DICER1: variants seen among roughly 807,000 people sequenced by gnomAD.
DICER1 encodes the protein dicer 1, ribonuclease III, also known as endoribonuclease Dicer.
A neutral mutation model predicts 194.1 loss-of-function variants in DICER1; 43 were observed. That is an observed-to-expected ratio of 0.22 (90% CI 0.17 to 0.29). The LOEUF (loss-of-function observed/expected upper bound fraction) is 0.29, where lower values mean the gene tolerates loss of function less well. Among genes scored for constraint, DICER1 ranks in the 10% least tolerant of loss-of-function variants. The probability of loss-of-function intolerance (pLI) is 1.00; values close to 1 mark genes in which losing one functional copy is unlikely to be tolerated. For synonymous variants in DICER1, 832 were observed against 820.5 expected, an observed-to-expected ratio of 1.01 and a Z score of -0.24; for missense variants, 1,608 against 2,317.0, an observed-to-expected ratio of 0.69 and a Z score of 6.28.
chr14:95,091,787 C>T (rs1026265265), intron 24 of DICER1, among the ~76,000 whole-genome samples: 1 of 152,110 alleles, frequency 6.6e-6, no homozygotes, highest in Non-Finnish European at 1.5e-5. Flanking sequence ...GGTGCTGGCA[C>T]GGGTGTATGC....
intron 1 of DICER1, among the ~76,000 whole-genome samples, chr14:95,147,300 T>C (rs1387855280): frequency 6.6e-6 from 1 of 152,136 alleles, no homozygotes; most frequent in Non-Finnish European, 1.5e-5. Flanking sequence ...ACCCCATCTC[T>C]ACTAAAAATA....
intron 21 of DICER1, among the ~76,000 whole-genome samples, chr14:95,103,029 C>T (rs932351383): frequency 6.6e-6 from 1 of 152,162 alleles, no homozygotes; most frequent in Non-Finnish European, 1.5e-5. Context: ...TCTTCATATC[C>T]CCCTCAGGAT....
At chr14:95,141,512 T>C (rs1894828832) in intron 1 of DICER1, among the ~76,000 whole-genome samples, 1 of 152,220 alleles carries the variant, frequency 6.6e-6, no homozygotes, top group East Asian at 1.9e-4. Context: ...TCCACTACCA[T>C]AAGCTCAGGA....
At chr14:95,092,410 G>T (rs1408490311) in intron 24 of DICER1, among the ~76,000 whole-genome samples, 1 of 151,884 alleles carries the variant, frequency 6.6e-6, no homozygotes, top group Non-Finnish European at 1.5e-5. Flanking sequence ...CAAATCATTT[G>T]TGAAAAAAAT....
chr14:95,101,232 C>G (rs1304186312), intron 21 of DICER1, among the ~76,000 whole-genome samples: 1 of 152,164 alleles, frequency 6.6e-6, no homozygotes, highest in Non-Finnish European at 1.5e-5. Flanking sequence ...GGGGCTTCCA[C>G]CTGCTTAGGA....
Position 95,124,137 on chromosome 14 carries a change from C to A in DICER1, c.1376+59G>T. ...CTCTTACAGCTGCTGCAGCGCATCA[C>A]ATCACAACACAGGACGCCTCCCTGT... On this transcript the variant is annotated intron_variant, in intron 8 of 26. Coordinates refer to ENST00000343455, the MANE Select transcript of DICER1 (RefSeq NM_177438.3). This position sits in a 1 kb window ranked among gnomAD's most constrained non-coding sequence, Gnocchi z 4.5. The A allele has an allele frequency of 2.3e-6, 3 of 1,277,182 alleles. No homozygotes were observed. The highest frequency in any genetic ancestry group is 3.4e-6 in the Non-Finnish European group (3 of 882,152). The allele number at this position is 1,277,182 out of a possible 1,614,324, so 79.1% of individuals were successfully genotyped here.
intron 2 of DICER1, 92 bp downstream of exon 2, chr14:95,133,223 G>GGTAAATGAGTTTTATATAA (rs1894103491): frequency 1.5e-6 from 2 of 1,361,650 alleles, no homozygotes; most frequent in Admixed American, 1.7e-5. Context: ...GGCCTGAAAG[G>GGTAAATGAGTTTTATATAA]GTAAATGAGT....
chr14:95,104,620 T>A (rs571876304), intron 20 of DICER1, among the ~76,000 whole-genome samples: 1 of 152,356 alleles, frequency 6.6e-6, no homozygotes, highest in South Asian at 2.1e-4. Context: ...TTGTGGTTAT[T>A]CCTATTATAT....
rs1595315343 is a variant in DICER1 at position 95,091,366 on chromosome 14, C to A, written c.5365-1G>T. On this transcript the variant is annotated splice_acceptor_variant, in intron 24 of 26. Coordinates refer to ENST00000343455, the MANE Select transcript of DICER1 (RefSeq NM_177438.3). LOFTEE classifies it high-confidence loss of function. ...CTTCATCCTCCTCAGATCTCCTAAG[C>A]TATTACAGAGGGAAAAGTGACTTGT... The A allele has an allele frequency of 6.2e-7, 1 of 1,613,840 alleles. No homozygotes were observed. The highest frequency in any genetic ancestry group is 1.3e-5 in the African/African-American group (1 of 74,834).
rs183879938 is a variant in DICER1, at chr14:95,093,923, G to C, written c.5329C>G (p.Leu1777Val). The C allele has an allele frequency of 6.2e-7, 1 of 1,613,988 alleles. No individual in the cohort carries two copies. The highest frequency in any genetic ancestry group is 8.5e-7 in the Non-Finnish European group (1 of 1,180,018). Residue 1777 changes from leucine to valine, a missense_variant, in exon 24 of 27, where the codon CTT (leucine) becomes GTT (valine). Leu to Val is a conservative substitution (Grantham distance 32, BLOSUM62 1). Coordinates refer to ENST00000343455, the MANE Select transcript of DICER1 (RefSeq NM_177438.3). ...HVIDDFVQFQ[L>V]EKNEMQGMDS... Reference sequence around the variant, plus strand: ...ATTCCTTGCATTTCATTCTTCTCAAGCTGAAACTGCACAAAGTCATCAATG... The same window carrying C: ...ATTCCTTGCATTTCATTCTTCTCAACCTGAAACTGCACAAAGTCATCAATG...
chr14:95,093,870 G>T lies in DICER1; in HGVS notation c.5364+18C>A. 6.2e-7 allele frequency: 1 copy of T among 1,613,848 alleles called. No homozygotes were observed. The highest frequency in any genetic ancestry group is 1.3e-5 in the African/African-American group (1 of 75,018). ...TAGTTAGACCACTTTTTTCAACATC[G>T]TTTTGAACAGCACTAACCTCAGAAT... On this transcript the variant is annotated intron_variant, in intron 24 of 26. Coordinates refer to ENST00000343455, the MANE Select transcript of DICER1 (RefSeq NM_177438.3).
At chr14:95,128,939 TTG>T (rs36061599) in intron 6 of DICER1, 9,812 of 152,922 alleles carry the variant, frequency 0.064, 400 homozygotes, top group African/African-American at 0.11. Context: ...TATGAAGGTT[TTG>T]TGTGTGTGTG....
intron 1 of DICER1, among the ~76,000 whole-genome samples, chr14:95,147,713 C>T (rs1296776443): frequency 6.6e-6 from 1 of 152,192 alleles, no homozygotes; most frequent in Admixed American, 6.5e-5. Flanking sequence ...TCAGATCCCA[C>T]AGGTTGAGGG....
chr14:95,108,125 A>G (rs1275805464), intron 15 of DICER1, 32 bp from the exon 16 acceptor site: 2 of 1,516,670 alleles, frequency 1.3e-6, no homozygotes, highest in Non-Finnish European at 9.2e-7. Flanking sequence ...GCACCCCTCA[A>G]AATTAACAGG....
intron 1 of DICER1, among the ~76,000 whole-genome samples, chr14:95,139,176 C>T (rs1894662001): frequency 1.3e-5 from 2 of 152,114 alleles, no homozygotes; most frequent in Admixed American, 1.3e-4. Flanking sequence ...TCCAAGTGAT[C>T]CTAGCAGTTA....
chr14:95,118,812 A>T (rs1892708936), intron 8 of DICER1, among the ~76,000 whole-genome samples: 1 of 152,168 alleles, frequency 6.6e-6, no homozygotes, highest in Admixed American at 6.5e-5. Flanking sequence ...AAAAAAAAAA[A>T]AATACATGAA....
chr14:95,109,604 G>A (rs1891772844), intron 14 of DICER1, among the ~76,000 whole-genome samples: 1 of 152,064 alleles, frequency 6.6e-6, no homozygotes, highest in South Asian at 2.1e-4. Flanking sequence ...GTGAAAATTT[G>A]GTATGAGGAA....
intron 4 of DICER1, among the ~76,000 whole-genome samples, chr14:95,131,261 G>T (rs1893925238): frequency 6.6e-6 from 1 of 152,056 alleles, no homozygotes; most frequent in Admixed American, 6.5e-5. Flanking sequence ...CTGACCTCAG[G>T]TGATCCACCC....
chr14:95,154,468 C>T (rs1375653654), intron 1 of DICER1, among the ~76,000 whole-genome samples: 2 of 152,288 alleles, frequency 1.3e-5, no homozygotes, highest in East Asian at 1.9e-4. Flanking sequence ...TGGCCATGGA[C>T]AGATGAATGG....
Sources: gnomAD v4.1 joint callset for allele counts (sites outside exome capture counted in the v4.1 genomes callset) on GRCh38, gnomAD v4.1.1 for gene constraint, Gnocchi (gnomAD v3.1) non-coding constraint, MANE v1.5 for transcripts, NCBI Gene and HGNC (gene_info 2026-07-23, HGNC 2026-07-21) for gene names.